Variants in HSPG2 observed in about 807,000 individuals in gnomAD.
The protein encoded by HSPG2 is basement membrane-specific heparan sulfate proteoglycan core protein.
In HSPG2, 278 loss-of-function variants were observed where a neutral mutation model predicts 526.6. The observed-to-expected ratio is 0.53, with a 90% CI of 0.48 to 0.58. The LOEUF (loss-of-function observed/expected upper bound fraction) is 0.58, where lower values mean the gene tolerates loss of function less well. Ranked by LOEUF, HSPG2 falls within the 20% of genes least tolerant of loss-of-function variation. The probability of loss-of-function intolerance (pLI) is 0.00; values close to 1 mark genes in which losing one functional copy is unlikely to be tolerated. For synonymous variants in HSPG2, 2,465 were observed against 2,555.4 expected (o/e 0.96, Z 1.07); for missense variants, 5,354 against 6,099.5 (o/e 0.88, Z 4.07).
chr1:21,861,943 TC>T (rs1295228999), intron 38 of HSPG2, 44 bp downstream of exon 38: 2 of 1,613,644 alleles, frequency 1.2e-6, no homozygotes, highest in African/African-American at 1.3e-5. Context: ...TTCCACTCAT[TC>T]CCCAGTGGAA....
intron 33 of HSPG2, among the ~76,000 whole-genome samples, chr1:21,867,564 A>G (rs956691764): frequency 6.6e-6 from 1 of 152,152 alleles, no homozygotes; most frequent in African/African-American, 2.4e-5. Context: ...ATTAAGTAAT[A>G]TAGGACACAA....
intron 6 of HSPG2, among the ~76,000 whole-genome samples, chr1:21,888,465 TTC>T (rs370574548): frequency 1.6e-3 from 237 of 152,336 alleles, no homozygotes; most frequent in African/African-American, 4.5e-3. Context: ...AAAAATTTTT[TTC>T]TCTCTTCTTT....
At chr1:21,922,591 T>A (rs1644070638) in intron 1 of HSPG2, among the ~76,000 whole-genome samples, 1 of 152,168 alleles carries the variant, frequency 6.6e-6, no homozygotes, top group South Asian at 2.1e-4. Context: ...CTGGGGCTTC[T>A]AGTACCTGTC....
chr1:21,878,759 T>A, intron 18 of HSPG2, 96 bp from the exon 19 acceptor site: 1 of 1,303,474 alleles, frequency 7.7e-7, no homozygotes, highest in Non-Finnish European at 1.1e-6. Flanking sequence ...AGACACAGTG[T>A]GCCACGAGGC....
intron 13 of HSPG2, among the ~76,000 whole-genome samples, chr1:21,881,812 G>A (rs550209145): frequency 7.2e-5 from 11 of 151,778 alleles, no homozygotes; most frequent in Non-Finnish European, 1.3e-4. Flanking sequence ...GCATGGTGGT[G>A]CACGCCTGTA....
At chr1:21,873,541 C>T in intron 29 of HSPG2, 117 bp from the exon 30 acceptor site, 1 of 1,033,564 alleles carries the variant, frequency 9.7e-7, no homozygotes. Flanking sequence ...AAAGAAGAGC[C>T]TGACTCGCCC....
Position 21,879,114 on chromosome 1 carries a change from T to C in HSPG2, c.2351A>G (p.Gln784Arg). Residue 784 changes from glutamine to arginine, a missense_variant, in exon 18 of 97, where the codon CAG (glutamine) becomes CGG (arginine). Coordinates refer to ENST00000374695, the MANE Select transcript of HSPG2 (RefSeq NM_005529.7). The stretch of plus-strand genomic sequence containing the variant: ...GCACTGTGGCCCCTCCGTGTTGTGC[T>C]GGCAATTCTAGAAGAAGGAGGAGGG... ...DPVYGHCLNC[Q>R]HNTEGPQCNK... The C allele has an allele frequency of 6.2e-7, 1 of 1,614,204 alleles. No individual in the cohort carries two copies.
intron 1 of HSPG2, among the ~76,000 whole-genome samples, chr1:21,914,865 C>T (rs562604325): frequency 2.6e-5 from 4 of 152,192 alleles, no homozygotes; most frequent in Non-Finnish European, 5.9e-5. Context: ...CTGAACTGCC[C>T]AGAGCAACCA....
Position 21,827,913 on chromosome 1 carries a change from C to T in HSPG2, c.12539G>A (p.Gly4180Glu), listed in dbSNP as rs376102049. The T allele has an allele frequency of 1.1e-5, 17 of 1,602,114 alleles. No homozygotes were observed. In the African/African-American group the frequency reaches 1.9e-4, roughly 18 times the overall value. ...FSGPRCQQGS[G>E]HGIAESDWHL... ...CCAGTCGGACTCTGCTATGCCATGT[C>T]CAGAGCCTATGGAGAAGGGCAGGGT... The change falls in exon 91 of 97, where the codon GGA (glycine) becomes GAA (glutamate). Residue 4180 changes from glycine (G) to glutamate (E), a missense_variant. Coordinates refer to ENST00000374695, the MANE Select transcript of HSPG2 (RefSeq NM_005529.7).
In HSPG2 at chr1:21,823,694, C is replaced by T. The variant is rs1204444973; in HGVS notation, c.12925G>A (p.Val4309Ile). The T allele has an allele frequency of 1.2e-6, 2 of 1,613,698 alleles. No homozygotes were observed. The highest frequency in any genetic ancestry group is 4.5e-5 in the East Asian group (2 of 44,888). Residue 4309 changes from valine to isoleucine, a missense_variant, in exon 96 of 97, where the codon GTC becomes ATC. Transcript: ENST00000374695. ...CCGCTGACCAGCTCCTCACCGTCGA[C>T]TTGGATGGAACCTCTGCGGCCCTCC... Reference protein sequence around the residue: ...LREGRRGSIQVDGEELVSGRS... With the variant: ...LREGRRGSIQIDGEELVSGRS...
At position 21,854,962 on chromosome 1, in the gene HSPG2, T is replaced by C. The variant is rs1467132205; in HGVS notation, c.6019A>G (p.Ile2007Val). ...ATGGCTGGGATGAGCAGTGTCGCGA[T>C]GTCTGTGCGCTCTGACCGGGCCTGC... ...PPQARSERTD[I>V]ATLLIPAITT... Residue 2007 changes from isoleucine (I) to valine (V), a missense_variant, in exon 48 of 97, where the codon ATC becomes GTC. Physicochemically the swap from Ile to Val is conservative, Grantham distance 29. Transcript: ENST00000374695. The C allele has an allele frequency of 4.3e-6, 7 of 1,613,586 alleles. No individual in the cohort carries two copies. The Admixed American group carries it at 6.7e-5, about 15-fold the overall frequency.
chr1:21,899,814 G>A (rs1557810096), intron 1 of HSPG2, among the ~76,000 whole-genome samples: 1 of 152,248 alleles, frequency 6.6e-6, no homozygotes, highest in African/African-American at 2.4e-5. Context: ...CAGGTGAGGA[G>A]CTGGCATCCC....
At chr1:21,854,536 C>T in intron 49 of HSPG2, 75 bp downstream of exon 49, 2 of 1,493,064 alleles carry the variant, frequency 1.3e-6, no homozygotes, top group South Asian at 1.3e-5. Context: ...GCCTCCCCCG[C>T]CCAGCGTACA....
Position 21,847,941 on chromosome 1 carries a change from G to A in HSPG2, c.7873+17C>T, listed in dbSNP as rs1226363567. The A allele has an allele frequency of 6.2e-6, 10 of 1,613,808 alleles. No homozygotes were observed. Among genetic ancestry groups the A allele is most frequent in the Middle Eastern group, 3.3e-4 (2 of 6,062 alleles). The stretch of plus-strand genomic sequence containing the variant: ...TCTGCGCCACTTGTCTGTACCCCCT[G>A]CCCTCTCTGCTCTCACCGTGGGAGG... On this transcript the variant is annotated intron_variant, in intron 60 of 96. Coordinates refer to ENST00000374695, the MANE Select transcript of HSPG2 (RefSeq NM_005529.7). The surrounding 1 kb of genome is among the most constrained non-coding windows in gnomAD (Gnocchi z 4.1).
Position 21,865,753 on chromosome 1 carries a change from C to T in HSPG2, c.4278G>A (p.Gln1426=), listed in dbSNP as rs1178350234. 27 of 1,613,926 alleles carry T rather than the reference C, an allele frequency of 1.7e-5. No homozygotes were observed. Among genetic ancestry groups the T allele is most frequent in the Non-Finnish European group, 2.3e-5 (27 of 1,179,996 alleles). The part of the protein sequence containing the change: ...RYTLSYTAGP[Q]GSPLSDPDVQ... ...CATCGGGGTCAGAGAGTGGGCTGCC[C>T]TGTGGGCCTGCTGTGTAGGAGAGGG... Residue 1426 remains glutamine (Q), a synonymous_variant, in exon 34 of 97, where the codon CAG becomes CAA. Transcript: ENST00000374695. The surrounding 1 kb of genome is among the most constrained non-coding windows in gnomAD (Gnocchi z 5.4).
intron 91 of HSPG2, among the ~76,000 whole-genome samples, chr1:21,826,314 C>A (rs540276465): frequency 6.6e-6 from 1 of 152,096 alleles, no homozygotes; most frequent in Non-Finnish European, 1.5e-5. Flanking sequence ...AAGCAATCCT[C>A]CTGCCTGTCT....
chr1:21,906,279 C>T (rs926927537), intron 1 of HSPG2, among the ~76,000 whole-genome samples: 6 of 152,082 alleles, frequency 3.9e-5, no homozygotes, highest in East Asian at 1.9e-4. Flanking sequence ...GCCTCGGAGG[C>T]GAGCAGGGGC....
chr1:21,830,642 A>T (rs918769540), intron 85 of HSPG2: 2 of 328,540 alleles, frequency 6.1e-6, no homozygotes, highest in African/African-American at 4.8e-5. Flanking sequence ...GTGAGCTGAG[A>T]TCGTGCCACT....
At chr1:21,830,949 G>A in intron 85 of HSPG2, 33 bp downstream of exon 85, 1 of 1,451,812 alleles carries the variant, frequency 6.9e-7, no homozygotes, top group East Asian at 2.4e-5. Context: ...GGCAGGCCCT[G>A]GGGCGACAGC....
Sources: gnomAD v4.1 joint callset for allele counts (sites outside exome capture counted in the v4.1 genomes callset) on GRCh38, gnomAD v4.1.1 for gene constraint, Gnocchi (gnomAD v3.1) non-coding constraint, MANE v1.5 for transcripts, NCBI Gene and HGNC (gene_info 2026-07-23, HGNC 2026-07-21) for gene names.